Variants in SPACA7 observed in about 807,000 individuals in gnomAD.
SPACA7 encodes sperm acrosome-associated protein 7.
In SPACA7, 19 loss-of-function variants were observed where a neutral mutation model predicts 26.3. The observed-to-expected ratio is 0.72, with a 90% CI of 0.50 to 1.06. The LOEUF (loss-of-function observed/expected upper bound fraction) is 1.06, where lower values mean the gene tolerates loss of function less well. SPACA7 is among the 50% of genes least tolerant of loss of function. The pLI, the probability that SPACA7 is intolerant of heterozygous loss-of-function variation, is 0.00. For synonymous variants in SPACA7, 84 were observed against 84.5 expected (o/e 0.99, Z 0.04); for missense variants, 211 against 229.9 (o/e 0.92, Z 0.53).
chr13:112,378,859 A>G (rs1271406179), intron 1 of SPACA7: 3 of 412,138 alleles, frequency 7.3e-6, no homozygotes, highest in African/African-American at 2.1e-5. Flanking sequence ...AATGTTTCCA[A>G]TCGTGTCCTG....
intron 5 of SPACA7, among the ~76,000 whole-genome samples, chr13:112,431,972 T>C (rs778917092): frequency 3.1e-4 from 47 of 152,066 alleles, no homozygotes; most frequent in Non-Finnish European, 5.9e-4. Context: ...CACAGCATAG[T>C]CATTGGTAGA....
chr13:112,427,342 T>A (rs892540460), intron 5 of SPACA7, among the ~76,000 whole-genome samples: 2 of 152,220 alleles, frequency 1.3e-5, no homozygotes, highest in Admixed American at 6.5e-5. Flanking sequence ...CAGCCCTGCA[T>A]CTGTTGGGAT....
chr13:112,411,682 G>C (rs1291063682), intron 5 of SPACA7, among the ~76,000 whole-genome samples: 1 of 152,062 alleles, frequency 6.6e-6, no homozygotes, highest in African/African-American at 2.4e-5. Context: ...ATATGAGTGA[G>C]AGCATGTGAT....
chr13:112,431,949 G>C (rs1877185054), intron 5 of SPACA7, among the ~76,000 whole-genome samples: 1 of 152,212 alleles, frequency 6.6e-6, no homozygotes, highest in South Asian at 2.1e-4. Context: ...CTCTTCCTGA[G>C]CAGCGGGGAC....
At chr13:112,384,347 A>C (rs1884394698) in intron 1 of SPACA7, among the ~76,000 whole-genome samples, 3 of 152,048 alleles carry the variant, frequency 2.0e-5, no homozygotes, top group African/African-American at 4.8e-5. Flanking sequence ...CTGATAACAT[A>C]TACTAAGTTA....
At chr13:112,416,071 A>G (rs116720739) in intron 5 of SPACA7, among the ~76,000 whole-genome samples, 3,093 of 151,920 alleles carry the variant, frequency 0.02, 95 homozygotes, top group African/African-American at 0.07. Context: ...GGTGTAGGCA[A>G]TACTACACTG....
At chr13:112,400,545 C>T (rs930918085) in intron 4 of SPACA7, among the ~76,000 whole-genome samples, 7 of 152,174 alleles carry the variant, frequency 4.6e-5, no homozygotes, top group African/African-American at 1.7e-4. Flanking sequence ...AACACCGTTA[C>T]TGATTGTGAG....
At position 112,428,725 on chromosome 13, in the gene SPACA7, A is replaced by T. The variant is rs189361821; in HGVS notation, c.446-3719A>T. ...AAAATATATGTTATATGGCATGATTATTGTTAAATGAATTTTAAAACTTTA... is the reference window on the plus strand; with the variant it reads ...AAAATATATGTTATATGGCATGATTTTTGTTAAATGAATTTTAAAACTTTA... On this transcript the variant is annotated intron_variant, in intron 5 of 6. Coordinates refer to ENST00000283550, the MANE Select transcript of SPACA7 (RefSeq NM_145248.5). 3.1e-3 allele frequency among the ~76,000 whole-genome samples: 477 copies of T among 152,356 alleles called. 1 individual carries two copies. Among genetic ancestry groups the T allele is most frequent in the African/African-American group, 0.011 (453 of 41,580 alleles).
At chr13:112,424,165 C>T (rs1876288758) in intron 5 of SPACA7, among the ~76,000 whole-genome samples, 2 of 152,194 alleles carry the variant, frequency 1.3e-5, no homozygotes, top group South Asian at 2.1e-4. Flanking sequence ...CCTACCCGCC[C>T]GAAGGCACCG....
Position 112,376,389 on chromosome 13 carries a change from G to A in SPACA7, c.4G>A (p.Ala2Thr). Residue 2 changes from alanine to threonine, a missense_variant, in exon 1 of 7, where the codon GCA (alanine) becomes ACA (threonine). Transcript: ENST00000283550. ...TTCTCCCTCAGCTGGAGGGAGCATGGCAGTGAGCCAAGGAGACGGGACCCT... is the reference window on the plus strand; with the variant it reads ...TTCTCCCTCAGCTGGAGGGAGCATGACAGTGAGCCAAGGAGACGGGACCCT... Reference protein sequence around the residue: MAVSQGDGTLCF... With the variant: MTVSQGDGTLCF... 7.4e-6 allele frequency: 12 copies of A among 1,613,320 alleles called. No individual in the cohort carries two copies. The highest frequency in any genetic ancestry group is 1.0e-5 in the Non-Finnish European group (12 of 1,179,708).
intron 5 of SPACA7, among the ~76,000 whole-genome samples, chr13:112,411,189 G>T (rs1240570920): frequency 6.6e-6 from 1 of 151,146 alleles, no homozygotes; most frequent in Non-Finnish European, 1.5e-5. Context: ...AAAAATTGGG[G>T]TATTTAAGAA....
chr13:112,401,207 G>A (rs762079059), intron 5 of SPACA7, 43 bp downstream of exon 5: 42 of 1,486,450 alleles, frequency 2.8e-5, no homozygotes, highest in Non-Finnish European at 3.7e-5. Context: ...TGGGAGAGAC[G>A]GAGGCATGAG....
chr13:112,400,390 C>G (rs567733744), intron 4 of SPACA7, among the ~76,000 whole-genome samples: 1 of 152,352 alleles, frequency 6.6e-6, no homozygotes, highest in African/African-American at 2.4e-5. Flanking sequence ...GCGAGTTTCT[C>G]TTTCTGCCAT....
At chr13:112,389,757 A>C (rs552185232) in intron 1 of SPACA7, among the ~76,000 whole-genome samples, 2 of 152,360 alleles carry the variant, frequency 1.3e-5, no homozygotes, top group Admixed American at 6.5e-5. Context: ...GTCCGGCAAC[A>C]CAGTAACACA....
At chr13:112,433,875 A>G (rs1303228340) in intron 6 of SPACA7, among the ~76,000 whole-genome samples, 1 of 152,148 alleles carries the variant, frequency 6.6e-6, no homozygotes, top group Non-Finnish European at 1.5e-5. Flanking sequence ...GTCCAGGACA[A>G]CCTCTGCTGC....
chr13:112,389,827 G>A (rs1442751144), intron 1 of SPACA7, among the ~76,000 whole-genome samples: 1 of 152,126 alleles, frequency 6.6e-6, no homozygotes, highest in African/African-American at 2.4e-5. Context: ...TGATAAAAAC[G>A]GGATATGTTG....
intron 5 of SPACA7, among the ~76,000 whole-genome samples, chr13:112,402,115 T>A (rs1157638706): frequency 6.6e-6 from 1 of 152,234 alleles, no homozygotes; most frequent in Non-Finnish European, 1.5e-5. Flanking sequence ...TTTACATTTG[T>A]AAAGTAATTT....
intron 5 of SPACA7, among the ~76,000 whole-genome samples, chr13:112,427,788 T>C (rs1047023151): frequency 6.6e-6 from 1 of 152,218 alleles, no homozygotes; most frequent in Admixed American, 6.5e-5. Flanking sequence ...TGGGTCCTTA[T>C]GGGAACTTTC....
At position 112,376,972 on chromosome 13, in the gene SPACA7, C is replaced by T. The variant is rs998664563; in HGVS notation, c.94+493C>T. ...CCAAAAGCCTTTATCTCAGCTCATACCGTTAAAAAATATTTGTGATGCTTG... is the reference window on the plus strand; with the variant it reads ...CCAAAAGCCTTTATCTCAGCTCATATCGTTAAAAAATATTTGTGATGCTTG... On this transcript the variant is annotated intron_variant, in intron 1 of 6. Transcript: ENST00000283550. Among the ~76,000 whole-genome samples, 3 of 152,166 alleles carry T rather than the reference C, an allele frequency of 2.0e-5. No homozygotes were observed. The East Asian group carries it at 5.8e-4, about 29-fold the overall frequency.
Sources: allele counts gnomAD v4.1 joint callset (sites outside exome capture counted in the v4.1 genomes callset), GRCh38; gene constraint gnomAD v4.1.1; transcripts MANE v1.5; gene names NCBI Gene and HGNC (gene_info 2026-07-23, HGNC 2026-07-21).